C14orf39: variants seen among roughly 807,000 people sequenced by gnomAD.
The protein encoded by C14orf39 is chromosome 14 open reading frame 39, also known as protein SIX6OS1.
Under a neutral mutation model 85.6 loss-of-function variants are expected in C14orf39, and 66 were observed. The ratio of observed to expected loss-of-function variants is 0.77; its 90% CI spans 0.63 to 0.95. The LOEUF (loss-of-function observed/expected upper bound fraction) is 0.95. C14orf39 is among the 40% of genes least tolerant of loss of function. The pLI is 0.00. For missense variants in C14orf39, 735 were observed against 663.9 expected, an observed-to-expected ratio of 1.11 and a Z score of -1.18; for synonymous variants, 242 against 214.0, an observed-to-expected ratio of 1.13 and a Z score of -1.14.
intron 1 of C14orf39, among the ~76,000 whole-genome samples, chr14:60,485,481 G>A (rs1892841325): frequency 6.6e-6 from 1 of 152,224 alleles, no homozygotes; most frequent in Non-Finnish European, 1.5e-5. Flanking sequence ...ACAACCACGT[G>A]TAGCAAAATT....
At chr14:60,455,655 T>C (rs1266444044) in intron 15 of C14orf39, among the ~76,000 whole-genome samples, 3 of 152,118 alleles carry the variant, frequency 2.0e-5, no homozygotes, top group African/African-American at 7.2e-5. Context: ...AGACAGTTTA[T>C]ACCAGTGGTT....
chr14:60,482,189 T>C (rs555396188), intron 4 of C14orf39, among the ~76,000 whole-genome samples: 49 of 152,320 alleles, frequency 3.2e-4, no homozygotes, highest in Non-Finnish European at 6.5e-4. Flanking sequence ...CAAAGTACAG[T>C]GTATCTAGGA....
rs1183496191 is a variant in C14orf39, at chr14:60,436,970, C to G, written c.1639G>C (p.Gly547Arg). 1 of 1,612,974 alleles carries G rather than the reference C, an allele frequency of 6.2e-7. No homozygotes were observed. The highest frequency in any genetic ancestry group is 8.5e-7 in the Non-Finnish European group (1 of 1,179,340). ...AAACTAAAATCATCTTTTCCAGCTC[C>G]AAATGTATGAGTTGAAGTGTCTGAT... is the stretch of plus-strand genomic sequence containing the variant. ...FPSDTSTHTF[G>R]AGKDDFSFPF... Residue 547 changes from glycine to arginine, a missense_variant, in exon 18 of 18, where the codon GGA becomes CGA. Gly to Arg is a moderately radical substitution (Grantham distance 125). Transcript: ENST00000321731.
chr14:60,485,142 G>A, intron 1 of C14orf39, 56 bp from the exon 2 acceptor site: 1 of 1,412,972 alleles, frequency 7.1e-7, no homozygotes, highest in East Asian at 2.3e-5. Context: ...TGCAAAACAG[G>A]ATATATTTCG....
upstream of C14orf39, among the ~76,000 whole-genome samples, chr14:60,489,630 G>A (rs951013355): frequency 2.0e-5 from 3 of 152,138 alleles, no homozygotes; most frequent in African/African-American, 4.8e-5. Context: ...TCCTCCACCT[G>A]TATTTGAGTA....
At chr14:60,480,222 G>C (rs930466956) in intron 4 of C14orf39, among the ~76,000 whole-genome samples, 6 of 152,144 alleles carry the variant, frequency 3.9e-5, no homozygotes, top group African/African-American at 1.4e-4. Context: ...AGGAGTTCAA[G>C]ACCAGCCTGG....
In C14orf39 at chr14:60,485,046, T is replaced by A; in HGVS notation, c.33A>T (p.Arg11Ser). Residue 11 changes from arginine to serine, a missense_variant, in exon 2 of 18, where the codon AGA (arginine) becomes AGT (serine). By Grantham distance (110) the Arg-to-Ser change is moderately radical. Transcript: ENST00000321731. ...TATACCTACCAAATTCTAGCAAAAG[T>A]CTGTCCAAACTGACAAACAGGCTGT... MNDSLFVSLD[R>S]LLLEFVFQYE... The A allele has an allele frequency of 6.2e-7, 1 of 1,609,660 alleles. No homozygotes were observed. The highest frequency in any genetic ancestry group is 1.1e-5 in the South Asian group (1 of 89,622).
rs775539679 is a variant in C14orf39 at position 60,471,701 on chromosome 14, ACTT to A, written c.359_361del (p.Glu120del). 5 of 1,569,438 alleles carry A rather than the reference ACTT, an allele frequency of 3.2e-6. No homozygotes were observed. Among genetic ancestry groups the A allele is most frequent in the African/African-American group, 2.7e-5 (2 of 73,002 alleles). Reference sequence around the variant, plus strand: ...GTATTTTAGTTGGTACTGCTTCAAAACTTCTTTATACTGACATATATAATCATG... The same window carrying A: ...GTATTTTAGTTGGTACTGCTTCAAAACTTTATACTGACATATATAATCATG... On this transcript the variant is annotated inframe_deletion, in exon 6 of 18. Transcript: ENST00000321731.
chr14:60,441,769 G>A (rs1428022581), intron 17 of C14orf39, among the ~76,000 whole-genome samples: 1 of 151,920 alleles, frequency 6.6e-6, no homozygotes, highest in African/African-American at 2.4e-5. Flanking sequence ...AAAAATTACA[G>A]AAAAAAGATG....
chr14:60,483,571 C>T (rs1166849660), intron 4 of C14orf39, 120 bp downstream of exon 4: 1 of 802,968 alleles, frequency 1.2e-6, no homozygotes, highest in Admixed American at 3.5e-5. Context: ...TAACAAGGCA[C>T]ATTAAGACTT....
intron 1 of C14orf39, among the ~76,000 whole-genome samples, chr14:60,503,336 G>C (rs1347371770): frequency 6.6e-6 from 1 of 152,116 alleles, no homozygotes; most frequent in Non-Finnish European, 1.5e-5. Context: ...TGAGGTCCTT[G>C]AACTAGAGTG....
rs180937139 is a variant in C14orf39, at chr14:60,502,032, A to G, written c.-143-2602T>C. Among the ~76,000 whole-genome samples, 16 of 152,344 alleles carry G rather than the reference A, an allele frequency of 1.1e-4. No individual in the cohort carries two copies. In the East Asian group the frequency reaches 2.3e-3, roughly 22 times the overall value. Reference sequence around the variant, plus strand: ...GGCCCAAAATCATGTGGTTATTGCAATGATTTAAACCTAAAATATTGGAAG... The same window carrying G: ...GGCCCAAAATCATGTGGTTATTGCAGTGATTTAAACCTAAAATATTGGAAG... On this transcript the variant is annotated intron_variant, in intron 1 of 5. Coordinates refer to the C14orf39 transcript ENST00000556799.
chr14:60,465,864 ACACACACACACACACACACAC>A (rs1481161072), intron 11 of C14orf39, 94 bp downstream of exon 11: 2 of 8,630 alleles, frequency 2.3e-4, no homozygotes, highest in Admixed American at 3.5e-3. Flanking sequence ...ACACACACAC[ACACACACACACACACACACAC>A]ACACACACGT....
At chr14:60,505,917 T>A (rs753790367) in intron 1 of C14orf39, among the ~76,000 whole-genome samples, 3 of 151,986 alleles carry the variant, frequency 2.0e-5, no homozygotes, top group Non-Finnish European at 4.4e-5. Flanking sequence ...AGGAGTGAGA[T>A]CCCCATATGT....
At chr14:60,456,812 T>A in intron 15 of C14orf39, 105 bp downstream of exon 15, 1 of 952,148 alleles carries the variant, frequency 1.1e-6, no homozygotes. Flanking sequence ...AAATACTACA[T>A]AATAAAAACT....
chr14:60,494,038 C>T lies in C14orf39; in HGVS notation c.-9+5258G>A, dbSNP rs566562114. On this transcript the variant is annotated intron_variant, in intron 2 of 5. Transcript: ENST00000556799. ...GACACTGGAAGGGTGTCAACACTGG[C>T]GCTCTAGACCACGGAGATTTCATTG... 4.6e-5 allele frequency: 11 copies of T among 240,414 alleles called. No individual in the cohort carries two copies. The South Asian group carries it at 5.5e-4, about 12-fold the overall frequency. The allele number at this position is 240,414 out of a possible 1,614,324, so 14.9% of individuals were successfully genotyped here.
intron 11 of C14orf39, among the ~76,000 whole-genome samples, chr14:60,465,263 TACC>T (rs1214060586): frequency 6.6e-6 from 1 of 152,182 alleles, no homozygotes; most frequent in East Asian, 1.9e-4. Context: ...TGGTCACCAC[TACC>T]AGTGGAAGAA....
chr14:60,452,386 A>C (rs1330828734), intron 16 of C14orf39, among the ~76,000 whole-genome samples: 1 of 152,110 alleles, frequency 6.6e-6, no homozygotes, highest in Non-Finnish European at 1.5e-5. Context: ...AAATGAAATA[A>C]GTCAGGCACA....
chr14:60,461,237 G>C, intron 13 of C14orf39, 117 bp downstream of exon 13: 2 of 749,894 alleles, frequency 2.7e-6, no homozygotes, highest in Non-Finnish European at 4.4e-6. Context: ...AAAGCCAGGC[G>C]TGCATGGTCA....
Sources: gnomAD v4.1 joint callset for allele counts (sites outside exome capture counted in the v4.1 genomes callset) on GRCh38, gnomAD v4.1.1 for gene constraint, MANE v1.5 for transcripts, NCBI Gene and HGNC (gene_info 2026-07-23, HGNC 2026-07-21) for gene names.